FRYL: variants seen among roughly 807,000 people sequenced by gnomAD.
FRYL encodes the protein FRY like transcription coactivator.
Under a neutral mutation model 351.2 loss-of-function variants are expected in FRYL, and 150 were observed. The observed-to-expected ratio is 0.43, with a 90% confidence interval of 0.37 to 0.49. The LOEUF (loss-of-function observed/expected upper bound fraction) is 0.49. Among genes scored for constraint, FRYL ranks in the 20% least tolerant of loss-of-function variants. The pLI, the probability that FRYL is intolerant of heterozygous loss-of-function variation, is 0.00. For synonymous variants in FRYL, 1,153 were observed against 1,257.1 expected, an observed-to-expected ratio of 0.92 and a Z score of 1.75; for missense variants, 3,036 against 3,619.3, an observed-to-expected ratio of 0.84 and a Z score of 4.13.
chr4:48,651,823 A>AAGAAGACACCCACAGAGAT (rs1273351021), intron 3 of FRYL, among the ~76,000 whole-genome samples: 1 of 152,212 alleles, frequency 6.6e-6, no homozygotes, highest in Non-Finnish European at 1.5e-5. Flanking sequence ...AGTGAAGACA[A>AAGAAGACACCCACAGAGAT]AGAAGACACC....
intron 1 of FRYL, among the ~76,000 whole-genome samples, chr4:48,758,456 T>C (rs1774041831): frequency 6.6e-6 from 1 of 152,234 alleles, no homozygotes; most frequent in Middle Eastern, 3.2e-3. Context: ...AAGACATTTA[T>C]GCAGCCAACA....
chr4:48,639,334 T>G (rs116766979), intron 3 of FRYL, among the ~76,000 whole-genome samples: 16 of 152,010 alleles, frequency 1.1e-4, no homozygotes, highest in Non-Finnish European at 1.9e-4. Context: ...GATTAAAGAA[T>G]AGACTAACTG....
intron 34 of FRYL, 97 bp downstream of exon 34, chr4:48,557,352 TTTGG>T (rs2149029710): frequency 6.9e-7 from 1 of 1,441,166 alleles, no homozygotes; most frequent in Non-Finnish European, 9.4e-7. Flanking sequence ...AAGATATTTG[TTTGG>T]TTATCACAGG....
intron 1 of FRYL, among the ~76,000 whole-genome samples, chr4:48,744,581 A>T (rs1398572339): frequency 6.6e-6 from 1 of 152,238 alleles, no homozygotes. Context: ...GCAGCAAAGC[A>T]GTTAAATAAA....
At chr4:48,602,737 C>T (rs1745960128) in intron 12 of FRYL, among the ~76,000 whole-genome samples, 1 of 152,124 alleles carries the variant, frequency 6.6e-6, no homozygotes, top group Non-Finnish European at 1.5e-5. Context: ...TGCCTTCAAT[C>T]TCTGACTAGA....
At chr4:48,617,726 G>C (rs1749827739) in intron 7 of FRYL, 5 of 152,144 alleles carry the variant, frequency 3.3e-5, no homozygotes, top group Admixed American at 3.3e-4. Context: ...CCTCCACAGG[G>C]TTGCCTGTGA....
intron 54 of FRYL, among the ~76,000 whole-genome samples, chr4:48,522,624 G>T (rs1164720266): frequency 6.6e-6 from 1 of 152,148 alleles, no homozygotes; most frequent in Admixed American, 6.6e-5. Context: ...CCAAAAATAT[G>T]TTATCACTGA....
intron 16 of FRYL, among the ~76,000 whole-genome samples, chr4:48,591,896 T>G (rs1468200717): frequency 6.6e-6 from 1 of 151,748 alleles, no homozygotes; most frequent in Admixed American, 6.6e-5. Flanking sequence ...ATGCATGACC[T>G]TGCCCCCAGA....
At chr4:48,735,966 T>A (rs1227449407) in intron 1 of FRYL, among the ~76,000 whole-genome samples, 26 of 15,156 alleles carry the variant, frequency 1.7e-3, no homozygotes, top group South Asian at 6.7e-3. Flanking sequence ...AAACTTAGAG[T>A]ATAATAAAAA....
chr4:48,775,419 G>C (rs967482886), intron 1 of FRYL, among the ~76,000 whole-genome samples: 1 of 152,160 alleles, frequency 6.6e-6, no homozygotes, highest in Non-Finnish European at 1.5e-5. Context: ...TCAAAAGTCT[G>C]CTAAATGAAA....
intron 4 of FRYL, among the ~76,000 whole-genome samples, chr4:48,632,336 C>T (rs1302787380): frequency 6.7e-6 from 1 of 149,640 alleles, no homozygotes; most frequent in African/African-American, 2.4e-5. Context: ...TGACATTTTC[C>T]ATAATAAATT....
At position 48,512,606 on chromosome 4, in the gene FRYL, C is replaced by T. The variant is rs369979386; in HGVS notation, c.8020G>A (p.Ala2674Thr). The change falls in exon 57 of 64, where the codon GCC becomes ACC. Residue 2674 changes from alanine to threonine, a missense_variant. By Grantham distance (58) the Ala-to-Thr change is moderately conservative. Around this residue, in one of 7 missense-constraint regions of FRYL, gnomAD observed 1,987 missense variants for 2,311.7 expected, o/e 0.86. Coordinates refer to ENST00000358350, the MANE Select transcript of FRYL (RefSeq NM_015030.2). Reference protein sequence around the residue: ...PSPFLSAIIAAFQPVAYDDEE... With the variant: ...PSPFLSAIIATFQPVAYDDEE... ...TCATCATATGCCACGGGCTGAAAGG[C>T]GGCTATGATGGCAGAAAGAAATGGT... 3.8e-5 allele frequency: 62 copies of T among 1,613,810 alleles called. No individual in the cohort carries two copies. Among genetic ancestry groups the T allele is most frequent in the Admixed American group, 8.3e-5 (5 of 59,982 alleles).
At chr4:48,731,337 ATCATG>A (rs1770702507) in intron 1 of FRYL, among the ~76,000 whole-genome samples, 3 of 152,222 alleles carry the variant, frequency 2.0e-5, no homozygotes, top group Admixed American at 1.3e-4. Context: ...AAGAATCAAT[ATCATG>A]AAAATGTCCT....
intron 1 of FRYL, among the ~76,000 whole-genome samples, chr4:48,774,460 T>C (rs1178065575): frequency 2.0e-5 from 3 of 152,166 alleles, no homozygotes; most frequent in African/African-American, 7.2e-5. Flanking sequence ...CCCACAAATA[T>C]AAAGACTGAA....
chr4:48,751,838 ATTT>A (rs11413230), intron 1 of FRYL, among the ~76,000 whole-genome samples: 2 of 145,536 alleles, frequency 1.4e-5, no homozygotes, highest in African/African-American at 2.5e-5. Flanking sequence ...AAGAGATTCA[ATTT>A]TTTTTTTTTT....
intron 3 of FRYL, among the ~76,000 whole-genome samples, chr4:48,671,323 C>A (rs552278865): frequency 2.0e-5 from 3 of 152,068 alleles, no homozygotes; most frequent in Non-Finnish European, 1.5e-5. Flanking sequence ...GTATCTGAAT[C>A]ACACAATCAT....
At chr4:48,689,208 T>C (rs1765463099) in intron 2 of FRYL, among the ~76,000 whole-genome samples, 1 of 152,238 alleles carries the variant, frequency 6.6e-6, no homozygotes, top group Admixed American at 6.5e-5. Context: ...ATTGTCATAT[T>C]ACTTGATCTA....
intron 1 of FRYL, among the ~76,000 whole-genome samples, chr4:48,759,771 G>A (rs1453261224): frequency 6.6e-6 from 1 of 152,110 alleles, no homozygotes; most frequent in African/African-American, 2.4e-5. Context: ...TGACTCTTCT[G>A]CTTCCACTTT....
rs1354549044 is a variant in FRYL, at chr4:48,674,594, G to A, written c.-81+10079C>T. ...TTACTAAAAATACAAAAAATTAGCCGGGCGTGGTGGCGGGCTCCTGTAGTC... is the reference window on the plus strand; with the variant it reads ...TTACTAAAAATACAAAAAATTAGCCAGGCGTGGTGGCGGGCTCCTGTAGTC... On this transcript the variant is annotated intron_variant, in intron 3 of 63. Transcript: ENST00000358350. Among the ~76,000 whole-genome samples, 8 of 151,708 alleles carry A rather than the reference G, an allele frequency of 5.3e-5. No individual in the cohort carries two copies. The South Asian group carries it at 6.3e-4, about 12-fold the overall frequency.
Sources: allele counts gnomAD v4.1 joint callset (sites outside exome capture counted in the v4.1 genomes callset), GRCh38; gene constraint gnomAD v4.1.1; regional missense constraint gnomAD v4.1.1; transcripts MANE v1.5; gene names NCBI Gene and HGNC (gene_info 2026-07-23, HGNC 2026-07-21).